Variants in DGKG observed in about 807,000 individuals in gnomAD.
DGKG encodes diacylglycerol kinase gamma, also known as DAG kinase gamma.
DGKG carries 78 observed loss-of-function variants against 105.3 expected under a neutral mutation model. That is an observed-to-expected ratio of 0.74 (90% confidence interval 0.62 to 0.89). The LOEUF is 0.89. Among genes scored for constraint, DGKG ranks in the 40% least tolerant of loss-of-function variants. The pLI, the probability that DGKG is intolerant of heterozygous loss-of-function variation, is 0.00. For synonymous variants in DGKG, 346 were observed against 367.1 expected (o/e 0.94, Z 0.66); for missense variants, 958 against 1,020.1 (o/e 0.94, Z 0.83).
chr3:186,336,113 T>A (rs943523434), intron 1 of DGKG, among the ~76,000 whole-genome samples: 2 of 152,140 alleles, frequency 1.3e-5, no homozygotes, highest in African/African-American at 4.8e-5. Context: ...AGTGACTGGA[T>A]GATACACAGT....
At chr3:186,344,683 C>A (rs1011133973) in intron 1 of DGKG, among the ~76,000 whole-genome samples, 14 of 151,786 alleles carry the variant, frequency 9.2e-5, no homozygotes, top group Non-Finnish European at 1.8e-4. Flanking sequence ...TGTACAACAA[C>A]CCCCCATGAC....
chr3:186,189,725 T>C (rs1717814079), intron 21 of DGKG, among the ~76,000 whole-genome samples: 1 of 152,228 alleles, frequency 6.6e-6, no homozygotes, highest in African/African-American at 2.4e-5. Flanking sequence ...TCTTACATTA[T>C]GTTATCTTGT....
chr3:186,181,516 T>C (rs1717357362), intron 22 of DGKG, among the ~76,000 whole-genome samples: 1 of 152,212 alleles, frequency 6.6e-6, no homozygotes, highest in South Asian at 2.1e-4. Context: ...GCGAATCACC[T>C]GAGGTCAGGA....
At chr3:186,166,973 T>C (rs886256047) in intron 22 of DGKG, among the ~76,000 whole-genome samples, 3 of 152,212 alleles carry the variant, frequency 2.0e-5, no homozygotes, top group Non-Finnish European at 4.4e-5. Flanking sequence ...AGCTTTACAA[T>C]GTCTTGGTCT....
chr3:186,176,413 C>T (rs1389358148), intron 22 of DGKG, among the ~76,000 whole-genome samples: 1 of 152,192 alleles, frequency 6.6e-6, no homozygotes, highest in Non-Finnish European at 1.5e-5. Context: ...GAGAGATCAT[C>T]TCAGAAAGAT....
At chr3:186,305,822 T>C (rs1724209880) in intron 3 of DGKG, among the ~76,000 whole-genome samples, 1 of 152,178 alleles carries the variant, frequency 6.6e-6, no homozygotes, top group African/African-American at 2.4e-5. Flanking sequence ...GATGACTGCA[T>C]AGTTTCAGGT....
intron 1 of DGKG, among the ~76,000 whole-genome samples, chr3:186,334,348 T>C (rs140297556): frequency 3.0e-4 from 45 of 152,318 alleles, no homozygotes; most frequent in African/African-American, 1.1e-3. Flanking sequence ...CATCTCTAGA[T>C]TGTAAACTGA....
chr3:186,162,653 C>A (rs1315099912), intron 23 of DGKG, among the ~76,000 whole-genome samples: 1 of 152,184 alleles, frequency 6.6e-6, no homozygotes, highest in Non-Finnish European at 1.5e-5. Context: ...CATTCTCCTG[C>A]CTCAGCCTCC....
chr3:186,304,179 A>G (rs766885224), intron 3 of DGKG, among the ~76,000 whole-genome samples: 1 of 152,180 alleles, frequency 6.6e-6, no homozygotes, highest in Non-Finnish European at 1.5e-5. Flanking sequence ...TCTCCCACTC[A>G]TCAGCCCCAG....
At chr3:186,252,059 T>TAGTTCCC (rs1293819747) in intron 18 of DGKG, 140 bp from the exon 19 acceptor site, 1 of 729,992 alleles carries the variant, frequency 1.4e-6, no homozygotes, top group South Asian at 2.6e-5. Context: ...TAGAGACACT[T>TAGTTCCC]ACGTTCCCCG....
At chr3:186,310,869 C>G (rs747717737) in intron 2 of DGKG, among the ~76,000 whole-genome samples, 1 of 152,132 alleles carries the variant, frequency 6.6e-6, no homozygotes. Flanking sequence ...TTTAAATCCC[C>G]ACAACTACCC....
chr3:186,264,165 C>T (rs1404985476), intron 14 of DGKG, among the ~76,000 whole-genome samples: 1 of 152,176 alleles, frequency 6.6e-6, no homozygotes, highest in Non-Finnish European at 1.5e-5. Flanking sequence ...GATATGCATG[C>T]GCCTGTGTGT....
intron 14 of DGKG, among the ~76,000 whole-genome samples, chr3:186,262,168 C>T (rs1222434233): frequency 6.6e-6 from 1 of 152,126 alleles, no homozygotes; most frequent in Non-Finnish European, 1.5e-5. Flanking sequence ...TGGAGTGAAC[C>T]ACCCGCTTCC....
intron 3 of DGKG, among the ~76,000 whole-genome samples, chr3:186,304,891 T>C (rs1282440556): frequency 6.6e-6 from 1 of 152,208 alleles, no homozygotes; most frequent in African/African-American, 2.4e-5. Context: ...AACCTGACCC[T>C]GCCAGTAGGA....
At chr3:186,190,200 C>T (rs142113314) in intron 21 of DGKG, among the ~76,000 whole-genome samples, 15 of 152,284 alleles carry the variant, frequency 9.9e-5, no homozygotes, top group Non-Finnish European at 2.9e-5. Context: ...TCTCCTCCCT[C>T]TCACACTACT....
chr3:186,238,292 T>TG (rs1720514058), intron 20 of DGKG, among the ~76,000 whole-genome samples: 1 of 81,268 alleles, frequency 1.2e-5, no homozygotes, highest in Non-Finnish European at 2.2e-5. Context: ...TGACTCTTTC[T>TG]AAAAAAAAAA....
chr3:186,277,036 C>T (rs1380398683), intron 9 of DGKG, among the ~76,000 whole-genome samples: 2 of 152,156 alleles, frequency 1.3e-5, no homozygotes, highest in African/African-American at 4.8e-5. Context: ...TACCTCAAAC[C>T]CTGCTTCTTC....
intron 20 of DGKG, among the ~76,000 whole-genome samples, chr3:186,236,864 G>A (rs892507829): frequency 6.6e-6 from 1 of 152,188 alleles, no homozygotes; most frequent in Non-Finnish European, 1.5e-5. Flanking sequence ...ACACTCAACA[G>A]GTTTAGAATA....
chr3:186,309,270 C>T (rs966436236), intron 2 of DGKG, among the ~76,000 whole-genome samples: 16 of 151,948 alleles, frequency 1.1e-4, no homozygotes, highest in South Asian at 4.4e-4. Context: ...AGGGTATTCT[C>T]GGAAGAGACC....
Sources: gnomAD v4.1 joint callset for allele counts (sites outside exome capture counted in the v4.1 genomes callset) on GRCh38, gnomAD v4.1.1 for gene constraint, MANE v1.5 for transcripts, NCBI Gene and HGNC (gene_info 2026-07-23, HGNC 2026-07-21) for gene names.